The following PIK3C2G variants were observed in gnomAD, a reference collection of about 807,000 sequenced individuals.
PIK3C2G encodes phosphatidylinositol 3-kinase C2 domain-containing subunit gamma.
Under a neutral mutation model 181.1 loss-of-function variants are expected in PIK3C2G, and 168 were observed. The ratio of observed to expected loss-of-function variants is 0.93; its 90% CI spans 0.82 to 1.05. PIK3C2G has a LOEUF of 1.05. Among genes scored for constraint, PIK3C2G ranks in the 50% least tolerant of loss-of-function variants. The pLI, the probability that PIK3C2G is intolerant of heterozygous loss-of-function variation, is 0.00. For missense variants in PIK3C2G, 1,869 were observed against 1,732.8 expected (o/e 1.08, Z -1.40); for synonymous variants, 573 against 592.2 (o/e 0.97, Z 0.47).
At position 18,566,972 on chromosome 12, in the gene PIK3C2G, CT is replaced by C; in HGVS notation, c.3930del (p.Phe1310LeufsTer12). 2 of 1,597,068 alleles carry C rather than the reference CT, an allele frequency of 1.3e-6. No individual in the cohort carries two copies. Among genetic ancestry groups the C allele is most frequent in the Non-Finnish European group, 8.6e-7 (1 of 1,165,762 alleles). ...LPEFPHWWHL[P>X]FTNSDHRRFR... is the part of the protein sequence containing the mutation. ...AGGTTTCCTCATTGGTGGCACCTAC[CT>C]TTTACAAATTCAGATCACAGAAGAT... is the stretch of plus-strand genomic sequence containing the variant. On this transcript the variant is annotated frameshift_variant, in exon 29 of 33. Coordinates refer to ENST00000538779, the MANE Select transcript of PIK3C2G (RefSeq NM_001288772.2). LOFTEE classifies it high-confidence loss of function.
chr12:18,508,127 G>GA (rs1454598197), intron 24 of PIK3C2G, among the ~76,000 whole-genome samples: 2 of 152,158 alleles, frequency 1.3e-5, no homozygotes, highest in African/African-American at 4.8e-5. Context: ...CTTCCTTTGA[G>GA]AATATTAGTT....
intron 18 of PIK3C2G, among the ~76,000 whole-genome samples, chr12:18,438,089 TAG>T (rs1946544482): frequency 6.6e-6 from 1 of 151,946 alleles, no homozygotes; most frequent in South Asian, 2.1e-4. Context: ...CCACAAACAC[TAG>T]AGTCATTTTT....
chr12:18,603,994 T>C (rs1032502662), intron 30 of PIK3C2G, among the ~76,000 whole-genome samples: 7 of 151,310 alleles, frequency 4.6e-5, no homozygotes, highest in Non-Finnish European at 1.0e-4. Flanking sequence ...AAAAACAAAA[T>C]GAAAATACAC....
At chr12:18,314,176 T>A in intron 6 of PIK3C2G, 112 bp downstream of exon 6, 1 of 598,132 alleles carries the variant, frequency 1.7e-6, no homozygotes, top group East Asian at 2.8e-5. Context: ...TTAATACATG[T>A]TTATTTAAAT....
At position 18,395,325 on chromosome 12, in the gene PIK3C2G, C is replaced by CAA. The variant is rs61263888; in HGVS notation, c.2126+4082_2126+4083dup. ...AAAACACTAAATACAGGCCTCTCAT[C>CAA]AAAAAAAAAATCAAGACAAAAGGAG... On this transcript the variant is annotated intron_variant, in intron 15 of 32. Transcript: ENST00000538779. Among the ~76,000 whole-genome samples the CAA allele has an allele frequency of 3.8e-3, 553 of 144,504 alleles. 5 individuals carry two copies. The highest frequency in any genetic ancestry group is 0.013 in the African/African-American group (518 of 39,488). 94.8% of individuals were successfully genotyped at this position (144,504 alleles called of 152,430 possible). A position where few individuals can be genotyped will look rare whatever the true frequency, so the allele number is the denominator to read the frequency against.
intron 1 of PIK3C2G, among the ~76,000 whole-genome samples, chr12:18,248,945 T>C (rs118156215): frequency 0.026 from 3,962 of 152,312 alleles, 82 homozygotes; most frequent in Non-Finnish European, 0.037. Flanking sequence ...TCTGACCCTG[T>C]AAGGTGCTTT....
intron 1 of PIK3C2G, among the ~76,000 whole-genome samples, chr12:18,267,049 T>C (rs1041786639): frequency 6.6e-5 from 10 of 152,158 alleles, no homozygotes; most frequent in African/African-American, 1.7e-4. Flanking sequence ...ATTTCCATAA[T>C]ACAGTGATAG....
At chr12:18,416,732 AGATT>A in intron 16 of PIK3C2G, among the ~76,000 whole-genome samples, 1 of 152,204 alleles carries the variant, frequency 6.6e-6, no homozygotes, top group Admixed American at 6.5e-5. Flanking sequence ...TCAGAAAAAA[AGATT>A]CTTTTCAAAA....
At chr12:18,346,582 A>G in intron 10 of PIK3C2G, 59 bp from the exon 11 acceptor site, 1 of 921,758 alleles carries the variant, frequency 1.1e-6, no homozygotes, top group Non-Finnish European at 1.7e-6. Flanking sequence ...GCTGTAATTG[A>G]TGGCCTATGA....
intron 4 of PIK3C2G, among the ~76,000 whole-genome samples, chr12:18,292,210 C>CAAAAAAAAAAAAA (rs745371375): frequency 9.8e-4 from 28 of 28,544 alleles, no homozygotes; most frequent in Non-Finnish European, 1.4e-3. Context: ...AACTCCATCT[C>CAAAAAAAAAAAAA]AAAAAAAAAA....
intron 20 of PIK3C2G, among the ~76,000 whole-genome samples, chr12:18,492,763 T>C (rs529531034): frequency 6.6e-6 from 1 of 152,330 alleles, no homozygotes; most frequent in Non-Finnish European, 1.5e-5. Flanking sequence ...TTGTTTTTTT[T>C]CACTTAAAAT....
intron 18 of PIK3C2G, among the ~76,000 whole-genome samples, chr12:18,437,017 A>G (rs1487440848): frequency 4.6e-5 from 7 of 151,990 alleles, no homozygotes; most frequent in Admixed American, 3.9e-4. Flanking sequence ...GAGATTCTCT[A>G]TGAGCATTGG....
intron 26 of PIK3C2G, among the ~76,000 whole-genome samples, chr12:18,553,484 A>T (rs1212800316): frequency 6.6e-6 from 1 of 152,090 alleles, no homozygotes; most frequent in Non-Finnish European, 1.5e-5. Flanking sequence ...CTCCCAGCCA[A>T]GTCCACAGAG....
intron 15 of PIK3C2G, among the ~76,000 whole-genome samples, chr12:18,395,325 CA>C (rs61263888): frequency 0.13 from 19,218 of 144,432 alleles, 1,276 homozygotes; most frequent in African/African-American, 0.17. Flanking sequence ...GGCCTCTCAT[CA>C]AAAAAAAAAT....
At chr12:18,654,605 G>A in the PIK3C2G span, among the ~76,000 whole-genome samples, 2 of 152,148 alleles carry the variant, frequency 1.3e-5, no homozygotes, top group Non-Finnish European at 2.9e-5. Context: ...AAAATATTTG[G>A]AAAATTTGTG....
chr12:18,668,267 C>A, the PIK3C2G span, among the ~76,000 whole-genome samples: 1 of 152,194 alleles, frequency 6.6e-6, no homozygotes, highest in Non-Finnish European at 1.5e-5. Flanking sequence ...ATCACATTTT[C>A]ATTAAGTATT....
chr12:18,529,774 G>C (rs901111134), intron 24 of PIK3C2G, among the ~76,000 whole-genome samples: 5 of 152,184 alleles, frequency 3.3e-5, no homozygotes, highest in South Asian at 4.2e-4. Flanking sequence ...CACTGTGAGG[G>C]CTGGTGCTAT....
At chr12:18,307,407 C>CA (rs1950464334) in intron 5 of PIK3C2G, among the ~76,000 whole-genome samples, 1 of 151,786 alleles carries the variant, frequency 6.6e-6, no homozygotes, top group Non-Finnish European at 1.5e-5. Context: ...GTATCACAGA[C>CA]ATTCAGTTCA....
chr12:18,517,589 T>G (rs1942634314), intron 24 of PIK3C2G, among the ~76,000 whole-genome samples: 1 of 152,184 alleles, frequency 6.6e-6, no homozygotes, highest in African/African-American at 2.4e-5. Context: ...TTTTGTATCC[T>G]GAGACTTTGC....
Sources: allele counts gnomAD v4.1 joint callset (sites outside exome capture counted in the v4.1 genomes callset), GRCh38; gene constraint gnomAD v4.1.1; transcripts MANE v1.5; gene names NCBI Gene and HGNC (gene_info 2026-07-23, HGNC 2026-07-21).